The following HSPA14 variants were observed in gnomAD, a reference collection of about 807,000 sequenced individuals.
The protein encoded by HSPA14 is heat shock protein family A (Hsp70) member 14.
Under a neutral mutation model 65.5 loss-of-function variants are expected in HSPA14, and 37 were observed. The observed-to-expected ratio is 0.56, with a 90% CI of 0.43 to 0.74. The LOEUF is 0.74. HSPA14 is among the 30% of genes least tolerant of loss of function. HSPA14 has a pLI of 0.00. For synonymous variants in HSPA14, 203 were observed against 214.2 expected (o/e 0.95, Z 0.46); for missense variants, 564 against 607.6 (o/e 0.93, Z 0.75).
chr10:14,840,064 T>A lies in HSPA14; in HGVS notation c.139-11T>A, dbSNP rs746438453. 75 of 1,291,042 alleles carry A rather than the reference T, an allele frequency of 5.8e-5. No homozygotes were observed. Among genetic ancestry groups the A allele is most frequent in the Middle Eastern group, 2.7e-4 (1 of 3,772 alleles). The allele number at this position is 1,291,042 out of a possible 1,614,324, so 80.0% of individuals were successfully genotyped here. ...GTAATATATATATATATATATTATT[T>A]TTTTTTTCAGATTGTTGGATTGGCA... On this transcript the variant is annotated splice_polypyrimidine_tract_variant and intron_variant, in intron 2 of 13. Coordinates refer to ENST00000378372, the MANE Select transcript of HSPA14 (RefSeq NM_016299.4).
rs375686055 is a variant in HSPA14 at position 14,839,859 on chromosome 10, C to T, written c.58-46C>T. On this transcript the variant is annotated intron_variant, in intron 1 of 13. Coordinates refer to ENST00000378372, the MANE Select transcript of HSPA14 (RefSeq NM_016299.4). ...AACACTGGTGCACAAATGCACACGT[C>T]TGAATACGTCTAATGAGACTATGTA... 7.4e-5 allele frequency: 105 copies of T among 1,423,038 alleles called. 2 individuals are homozygous for T. The South Asian group carries it at 1.1e-3, about 15-fold the overall frequency. 88.2% of individuals were successfully genotyped at this position (1,423,038 alleles called of 1,614,324 possible). A position where few individuals can be genotyped will look rare whatever the true frequency, so the allele number is the denominator to read the frequency against.
In HSPA14 at chr10:14,851,235, G is replaced by A; in HGVS notation, c.484G>A (p.Ala162Thr). The part of the protein sequence containing the change: ...KNALGEAARA[A>T]GFNVLRLIHE... ...TGTTCACAGAGAAGCAGCTAGAGCT[G>A]CTGGATTTAATGTTTTGCGATTAAT... Residue 162 changes from alanine (A) to threonine (T), a missense_variant, in exon 7 of 14, where the codon GCT becomes ACT. By Grantham distance (58) the Ala-to-Thr change is moderately conservative. Transcript: ENST00000378372. 2.5e-6 allele frequency: 4 copies of A among 1,605,186 alleles called. No individual in the cohort carries two copies. Among genetic ancestry groups the A allele is most frequent in the Non-Finnish European group, 3.4e-6 (4 of 1,173,544 alleles).
rs971112881 is a variant in HSPA14, at chr10:14,846,357, C to G, written c.222-2252C>G. 6 of 985,130 alleles carry G rather than the reference C, an allele frequency of 6.1e-6. No individual in the cohort carries two copies. In the African/African-American group the frequency reaches 1.0e-4, roughly 17 times the overall value. The allele number at this position is 985,130 out of a possible 1,614,324, so 61.0% of individuals were successfully genotyped here. ...GGATTTCTTTGAGATGAAAGGAGTG[C>G]TGAAGAAGAGCATTGGAATTAATAT... On this transcript the variant is annotated intron_variant, in intron 3 of 13. Coordinates refer to ENST00000378372, the MANE Select transcript of HSPA14 (RefSeq NM_016299.4).
At chr10:14,869,322 C>T (rs1588822662) in intron 12 of HSPA14, among the ~76,000 whole-genome samples, 1 of 147,880 alleles carries the variant, frequency 6.8e-6, no homozygotes, top group South Asian at 2.2e-4. Flanking sequence ...TTTAAGACGG[C>T]ATCTTGCTCT....
rs753404160 is a variant in HSPA14, at chr10:14,862,376, C to CTTT, written c.994-4693_994-4691dup. ...TTGAGAAAGCTCTTTCTTTTCTTTT[C>CTTT]TTTTTTTTTTTTTTTTGAGACGGAG... On this transcript the variant is annotated intron_variant, in intron 10 of 13. Coordinates refer to ENST00000378372, the MANE Select transcript of HSPA14 (RefSeq NM_016299.4). 5.1e-3 allele frequency among the ~76,000 whole-genome samples: 656 copies of CTTT among 128,626 alleles called. 12 individuals are homozygous for CTTT. Among genetic ancestry groups the CTTT allele is most frequent in the African/African-American group, 0.017 (601 of 34,514 alleles). 84.4% of individuals were successfully genotyped at this position (128,626 alleles called of 152,430 possible). A position where few individuals can be genotyped will look rare whatever the true frequency, so the allele number is the denominator to read the frequency against.
chr10:14,869,691 T>G (rs999254163), intron 12 of HSPA14, among the ~76,000 whole-genome samples: 1 of 152,218 alleles, frequency 6.6e-6, no homozygotes, highest in African/African-American at 2.4e-5. Flanking sequence ...TTGGAATCTA[T>G]TGGTAAAGTT....
Position 14,840,037 on chromosome 10 carries a change from T to C in HSPA14, c.139-38T>C, listed in dbSNP as rs750412296. The C allele has an allele frequency of 6.1e-6, 8 of 1,317,662 alleles. No homozygotes were observed. In the South Asian group the frequency reaches 9.7e-5, roughly 16 times the overall value. The allele number at this position is 1,317,662 out of a possible 1,614,324, so 81.6% of individuals were successfully genotyped here. A position where few individuals can be genotyped will look rare whatever the true frequency, so the allele number is the denominator to read the frequency against. Reference sequence around the variant, plus strand: ...CTGAAATAATTTAAAATTACATACATTGTAATATATATATATATATATTAT... The same window carrying C: ...CTGAAATAATTTAAAATTACATACACTGTAATATATATATATATATATTAT... On this transcript the variant is annotated intron_variant, in intron 2 of 13. Coordinates refer to ENST00000378372, the MANE Select transcript of HSPA14 (RefSeq NM_016299.4).
chr10:14,869,846 ACT>A (rs1832839496), intron 12 of HSPA14, among the ~76,000 whole-genome samples: 1 of 152,040 alleles, frequency 6.6e-6, no homozygotes, highest in Non-Finnish European at 1.5e-5. Flanking sequence ...CCTCTCTGAG[ACT>A]CCATAGCTGC....
chr10:14,839,991 A>T lies in HSPA14; in HGVS notation c.138+6A>T. ...CTTACTCAGAAAATGAAGAGGTACT[A>T]GTCCCCCCATTTTTGTACTTCTGAA... On this transcript the variant is annotated splice_donor_region_variant and intron_variant, in intron 2 of 13. Transcript: ENST00000378372. The T allele has an allele frequency of 6.2e-7, 1 of 1,601,790 alleles. No individual in the cohort carries two copies.
intron 10 of HSPA14, among the ~76,000 whole-genome samples, chr10:14,859,080 C>T (rs1832731106): frequency 6.6e-6 from 1 of 152,164 alleles, no homozygotes; most frequent in Non-Finnish European, 1.5e-5. Flanking sequence ...AGGGTTCCTA[C>T]TCTTGAATGT....
At chr10:14,870,782 A>ATTGCTGCAGAAAATCT in intron 13 of HSPA14, 115 bp downstream of exon 13, 1 of 1,029,056 alleles carries the variant, frequency 9.7e-7, no homozygotes, top group Non-Finnish European at 1.3e-6. Context: ...AAACCTACAG[A>ATTGCTGCAGAAAATCT]GGTTTTTATC....
At chr10:14,851,627 A>G (rs1314443352) in intron 7 of HSPA14, among the ~76,000 whole-genome samples, 2 of 152,222 alleles carry the variant, frequency 1.3e-5, no homozygotes, top group Admixed American at 1.3e-4. Context: ...TGATTTTTCT[A>G]CCAATTCCAG....
chr10:14,860,730 C>T (rs1162617373), intron 10 of HSPA14, among the ~76,000 whole-genome samples: 1 of 152,068 alleles, frequency 6.6e-6, no homozygotes, highest in African/African-American at 2.4e-5. Flanking sequence ...AGTGCTCAGG[C>T]CTCAGTGTGA....
Position 14,867,172 on chromosome 10 carries a change from C to T in HSPA14, c.1083C>T (p.Ile361=). The change falls in exon 11 of 14, where the codon ATC becomes ATT. Residue 361 remains isoleucine (I), a synonymous_variant. Coordinates refer to ENST00000378372, the MANE Select transcript of HSPA14 (RefSeq NM_016299.4). ...CAGCTGTTGAGCTTCTCAATTCTAT[C>T]CCTCCTGATGAAGTGATCCCTATTG... ...LFPAVELLNS[I]PPDEVIPIGA... 6.2e-7 allele frequency: 1 copy of T among 1,613,352 alleles called. No individual in the cohort carries two copies. The highest frequency in any genetic ancestry group is 8.5e-7 in the Non-Finnish European group (1 of 1,179,376).
rs925768946 is a variant in HSPA14 at position 14,852,679 on chromosome 10, G to A, written c.734+148G>A. 4 of 694,464 alleles carry A rather than the reference G, an allele frequency of 5.8e-6. No homozygotes were observed. In the African/African-American group the frequency reaches 7.3e-5, roughly 13 times the overall value. The allele number at this position is 694,464 out of a possible 1,614,324, so 43.0% of individuals were successfully genotyped here. A position where few individuals can be genotyped will look rare whatever the true frequency, so the allele number is the denominator to read the frequency against. On this transcript the variant is annotated intron_variant, in intron 8 of 13. Transcript: ENST00000378372. Reference sequence around the variant, plus strand: ...TGGAAACTGGATATTTTCATATCTAGAGTTATGTCCTGTCCAGGCAATTCA... The same window carrying A: ...TGGAAACTGGATATTTTCATATCTAAAGTTATGTCCTGTCCAGGCAATTCA...
intron 10 of HSPA14, among the ~76,000 whole-genome samples, chr10:14,863,071 CGTT>C (rs150183095): frequency 0.058 from 8,861 of 152,114 alleles, 304 homozygotes; most frequent in Middle Eastern, 0.11. Context: ...GATCTTATGA[CGTT>C]GTTTTTATGT....
rs1293833160 is a variant in HSPA14, at chr10:14,845,177, T to A, written c.222-3432T>A. The A allele has an allele frequency of 1.3e-5, 13 of 985,348 alleles. No homozygotes were observed. The Admixed American group carries it at 8.0e-4, about 61-fold the overall frequency. 61.0% of individuals were successfully genotyped at this position (985,348 alleles called of 1,614,324 possible). A position where few individuals can be genotyped will look rare whatever the true frequency, so the allele number is the denominator to read the frequency against. On this transcript the variant is annotated intron_variant, in intron 3 of 13. Coordinates refer to ENST00000378372, the MANE Select transcript of HSPA14 (RefSeq NM_016299.4). ...GTGATAAGCCACACTTCCGATTTAC[T>A]CTAGAAGGGAAGACATTACTCTCTG...
intron 3 of HSPA14, chr10:14,846,293 T>G: frequency 1.0e-6 from 1 of 985,420 alleles, no homozygotes; most frequent in Non-Finnish European, 1.2e-6. Context: ...AGGCCTGTAT[T>G]CTATAAATCT....
Position 14,867,142 on chromosome 10 carries a change from T to C in HSPA14, c.1053T>C (p.Leu351=), listed in dbSNP as rs144898505. 1.2e-6 allele frequency: 2 copies of C among 1,613,754 alleles called. No homozygotes were observed. Among genetic ancestry groups the C allele is most frequent in the Non-Finnish European group, 1.7e-6 (2 of 1,179,856 alleles). ...AGCTACAGCAACTGATTAAAGATCT[T>C]TTCCCAGCTGTTGAGCTTCTCAATT... is the stretch of plus-strand genomic sequence containing the variant. The part of the protein sequence containing the change: ...IPKLQQLIKD[L]FPAVELLNSI... The change falls in exon 11 of 14, where the codon CTT becomes CTC. Residue 351 remains leucine, a synonymous_variant. Coordinates refer to ENST00000378372, the MANE Select transcript of HSPA14 (RefSeq NM_016299.4).
Sources: gnomAD v4.1 joint callset for allele counts (sites outside exome capture counted in the v4.1 genomes callset) on GRCh38, gnomAD v4.1.1 for gene constraint, MANE v1.5 for transcripts, NCBI Gene and HGNC (gene_info 2026-07-23, HGNC 2026-07-21) for gene names.